NAV2: variants seen among roughly 807,000 people sequenced by gnomAD.
NAV2 encodes the protein neuron navigator 2, also known as helicase, APC down-regulated 1.
A neutral mutation model predicts 223.2 loss-of-function variants in NAV2; 54 were observed. That is an observed-to-expected ratio of 0.24 (90% CI 0.19 to 0.30). The LOEUF (loss-of-function observed/expected upper bound fraction) is 0.30, where lower values mean the gene tolerates loss of function less well. Ranked by LOEUF, NAV2 falls within the 10% of genes least tolerant of loss-of-function variation. NAV2 has a pLI of 1.00. For missense variants in NAV2, 2,806 were observed against 3,147.5 expected (o/e 0.89, Z 2.60); for synonymous variants, 1,279 against 1,239.3 (o/e 1.03, Z -0.67).
chr11:19,717,072 A>G (rs183309152), intron 1 of NAV2, among the ~76,000 whole-genome samples: 45 of 152,268 alleles, frequency 3.0e-4, no homozygotes, highest in African/African-American at 9.9e-4. Context: ...GCAGGCCCTG[A>G]TTTATAAGAC....
At position 19,899,062 on chromosome 11, in the gene NAV2, G is replaced by A. The variant is rs144383809; in HGVS notation, c.931+6468G>A. 2.6e-3 allele frequency among the ~76,000 whole-genome samples: 392 copies of A among 152,196 alleles called. 2 individuals are homozygous for A. The highest frequency in any genetic ancestry group is 8.8e-3 in the African/African-American group (365 of 41,540). ...TGAGGTCCTCCATCACTAAACCACC[G>A]TGAGGTGTGAATGAATTCTTCAGTT... On this transcript the variant is annotated intron_variant, in intron 6 of 37. Transcript: ENST00000349880.
chr11:19,646,329 A>G (rs2047815705), intron 1 of NAV2, among the ~76,000 whole-genome samples: 1 of 152,232 alleles, frequency 6.6e-6, no homozygotes, highest in Non-Finnish European at 1.5e-5. Flanking sequence ...ACTGAGAAAA[A>G]GAAAATGGAG....
chr11:19,887,910 C>T (rs527823665), intron 5 of NAV2, among the ~76,000 whole-genome samples: 132 of 151,570 alleles, frequency 8.7e-4, no homozygotes, highest in Non-Finnish European at 1.3e-4. Context: ...GGGGCATCCT[C>T]TGCTCCCAGC....
At chr11:19,485,987 C>CAAG (rs1366122663) in intron 1 of NAV2, among the ~76,000 whole-genome samples, 1 of 152,174 alleles carries the variant, frequency 6.6e-6, no homozygotes, top group Non-Finnish European at 1.5e-5. Context: ...CCACCATGCA[C>CAAG]CCTCCACCTG....
intron 1 of NAV2, among the ~76,000 whole-genome samples, chr11:19,817,042 AGG>A (rs543411933): frequency 2.4e-4 from 36 of 152,064 alleles, no homozygotes; most frequent in Non-Finnish European, 5.0e-4. Flanking sequence ...CTCATCTCCC[AGG>A]GGAAATCCTT....
At chr11:19,445,497 G>A (rs777053476) in intron 1 of NAV2, among the ~76,000 whole-genome samples, 1 of 152,176 alleles carries the variant, frequency 6.6e-6, no homozygotes, top group Non-Finnish European at 1.5e-5. Context: ...TATAGATAAG[G>A]AAGCTGATAC....
intron 1 of NAV2, among the ~76,000 whole-genome samples, chr11:19,822,065 C>G (rs2059409169): frequency 6.6e-6 from 1 of 152,184 alleles, no homozygotes; most frequent in South Asian, 2.1e-4. Flanking sequence ...CTGAAGGAAT[C>G]CCTTGTTTGT....
At chr11:19,950,597 G>A (rs2047311670) in intron 10 of NAV2, among the ~76,000 whole-genome samples, 1 of 152,240 alleles carries the variant, frequency 6.6e-6, no homozygotes, top group Non-Finnish European at 1.5e-5. Flanking sequence ...GAGGCATAGA[G>A]GTGCTTTGGT....
chr11:19,618,460 G>A (rs11025198), intron 1 of NAV2, among the ~76,000 whole-genome samples: 136,859 of 148,560 alleles, frequency 0.92, 63,667 homozygotes, highest in Non-Finnish European at 0.99. Context: ...ATGGATGGAT[G>A]GGTAGCTGAA....
At chr11:19,483,546 TTAA>T (rs1211117572) in intron 1 of NAV2, among the ~76,000 whole-genome samples, 2 of 152,086 alleles carry the variant, frequency 1.3e-5, no homozygotes, top group Non-Finnish European at 1.5e-5. Flanking sequence ...AGTTCTCAAC[TTAA>T]TAAGAAAAGA....
chr11:19,678,072 G>A (rs373552714), intron 1 of NAV2, among the ~76,000 whole-genome samples: 68 of 152,286 alleles, frequency 4.5e-4, no homozygotes, highest in African/African-American at 1.4e-3. Flanking sequence ...GAGAGGCTGC[G>A]CCGCAGGAAT....
At chr11:19,643,432 G>A (rs1325754945) in intron 1 of NAV2, among the ~76,000 whole-genome samples, 3 of 150,530 alleles carry the variant, frequency 2.0e-5, no homozygotes, top group Non-Finnish European at 2.9e-5. Flanking sequence ...TTTCGTCCTT[G>A]CGATAGTTTG....
chr11:19,795,445 C>T (rs1490579867), intron 1 of NAV2, among the ~76,000 whole-genome samples: 1 of 151,970 alleles, frequency 6.6e-6, no homozygotes, highest in East Asian at 1.9e-4. Flanking sequence ...AAAGAGGAAA[C>T]AAAATATTCT....
intron 1 of NAV2, among the ~76,000 whole-genome samples, chr11:19,643,754 T>C (rs889896847): frequency 1.3e-5 from 2 of 152,214 alleles, no homozygotes; most frequent in Non-Finnish European, 2.9e-5. Context: ...ACTTCCACAA[T>C]GGTTGAACTA....
At chr11:20,002,684 A>G (rs1363308881) in intron 11 of NAV2, among the ~76,000 whole-genome samples, 1 of 152,058 alleles carries the variant, frequency 6.6e-6, no homozygotes, top group Non-Finnish European at 1.5e-5. Context: ...TTGAAGGCCA[A>G]CCACTTGTTT....
chr11:19,624,535 G>T (rs777189042), intron 1 of NAV2, among the ~76,000 whole-genome samples: 4 of 152,160 alleles, frequency 2.6e-5, no homozygotes, highest in Non-Finnish European at 5.9e-5. Flanking sequence ...AGGCTGTGTG[G>T]GCATGGGACC....
chr11:19,892,481 A>G lies in NAV2; in HGVS notation c.818A>G (p.Lys273Arg). ...GTATCCGCTGCAGGCAGCGAGGCCA[A>G]AACACGCGGAGGGTCAACTACTGCT... ...ARVSAAGSEA[K>R]TRGGSTTANN... The change falls in exon 6 of 38, where the codon AAA becomes AGA. Residue 273 changes from lysine to arginine, a missense_variant. By Grantham distance (26) the Lys-to-Arg change is conservative. This residue lies in a region of NAV2 where 1,167 missense variants were observed against 1,180.5 expected (regional missense o/e 0.99). Coordinates refer to ENST00000349880, the MANE Select transcript of NAV2 (RefSeq NM_145117.5). The G allele has an allele frequency of 1.2e-6, 2 of 1,614,164 alleles. No individual in the cohort carries two copies. Among genetic ancestry groups the G allele is most frequent in the South Asian group, 1.1e-5 (1 of 91,056 alleles).
chr11:19,988,505 C>T (rs898933316), intron 11 of NAV2, among the ~76,000 whole-genome samples: 2 of 151,812 alleles, frequency 1.3e-5, no homozygotes, highest in Non-Finnish European at 2.9e-5. Flanking sequence ...TCGCCCTCCA[C>T]CTTTGAGCCA....
intron 26 of NAV2, among the ~76,000 whole-genome samples, chr11:20,088,414 C>T (rs148028133): frequency 2.6e-5 from 4 of 152,286 alleles, no homozygotes; most frequent in African/African-American, 7.2e-5. Context: ...CTCGAACTCC[C>T]CACCTCAGAT....
Sources: allele counts gnomAD v4.1 joint callset (sites outside exome capture counted in the v4.1 genomes callset), GRCh38; gene constraint gnomAD v4.1.1; regional missense constraint gnomAD v4.1.1; transcripts MANE v1.5; gene names NCBI Gene and HGNC (gene_info 2026-07-23, HGNC 2026-07-21).